The following DNAJC18 variants were observed in gnomAD, a reference collection of about 807,000 sequenced individuals.
The protein encoded by DNAJC18 is DnaJ heat shock protein family (Hsp40) member C18, also known as dnaJ homolog subfamily C member 18.
DNAJC18 carries 40 observed loss-of-function variants against 48.6 expected under a neutral mutation model. The observed-to-expected ratio is 0.82, with a 90% CI of 0.64 to 1.07. The LOEUF is 1.07. DNAJC18 is among the 50% of genes least tolerant of loss of function. The probability of loss-of-function intolerance (pLI) is 0.00; values close to 1 mark genes in which losing one functional copy is unlikely to be tolerated. For synonymous variants in DNAJC18, 135 were observed against 152.2 expected, an observed-to-expected ratio of 0.89 and a Z score of 0.83; for missense variants, 340 against 427.7, an observed-to-expected ratio of 0.79 and a Z score of 1.81.
chr5:139,437,401 A>G lies in DNAJC18; in HGVS notation c.198T>C (p.Tyr66=), dbSNP rs10900864. The change falls in exon 2 of 8, where the codon TAT becomes TAC. Residue 66 remains tyrosine, a synonymous_variant. Transcript: ENST00000302060. ...GTACCCCAAGCAGCTGTTCCTCACT[A>G]TACGTGGAGTTCCCCTCACCCTGCC... ...QTRQGEGNST[Y]SEEQLLGVQR... is the part of the protein sequence containing the mutation. 0.65 allele frequency: 1,047,570 copies of G among 1,612,940 alleles called. 353,136 individuals are homozygous for G. The highest frequency in any genetic ancestry group is 0.7 in the Non-Finnish European group (825,693 of 1,179,542).
chr5:139,429,186 C>T (rs931163788), intron 2 of DNAJC18, among the ~76,000 whole-genome samples: 2 of 149,824 alleles, frequency 1.3e-5, no homozygotes, highest in Admixed American at 6.7e-5. Flanking sequence ...CAGGTTCAAG[C>T]AATTCTCCTG....
intron 2 of DNAJC18, among the ~76,000 whole-genome samples, chr5:139,433,587 T>C (rs2152084975): frequency 6.6e-6 from 1 of 152,296 alleles, no homozygotes; most frequent in South Asian, 2.1e-4. Flanking sequence ...TACTTGAGGC[T>C]CAGCAAAATA....
At chr5:139,431,045 T>A (rs1443164854) in intron 2 of DNAJC18, among the ~76,000 whole-genome samples, 1 of 152,126 alleles carries the variant, frequency 6.6e-6, no homozygotes, top group East Asian at 1.9e-4. Context: ...GTAACACAGG[T>A]TGGACTCTAA....
In DNAJC18 at chr5:139,411,730, T is replaced by A. The variant is rs986978700; in HGVS notation, c.*2418A>T. On this transcript the variant is annotated 3_prime_UTR_variant, in exon 8 of 8. Transcript: ENST00000302060. ...ACAATCAGCGTGACATTTAATGGAG[T>A]TAGTTATTATTGCTTCTATTTAGTA... The A allele has an allele frequency of 2.0e-5, 3 of 152,052 alleles. No individual in the cohort carries two copies. The highest frequency in any genetic ancestry group is 4.4e-5 in the Non-Finnish European group (3 of 68,008). 9.4% of individuals were successfully genotyped at this position (152,052 alleles called of 1,614,324 possible).
chr5:139,436,253 T>C (rs1019894579), intron 2 of DNAJC18, among the ~76,000 whole-genome samples: 16 of 150,588 alleles, frequency 1.1e-4, no homozygotes, highest in African/African-American at 3.9e-4. Flanking sequence ...GCCCAAGTAT[T>C]TTTTTTTTCT....
intron 7 of DNAJC18, 111 bp downstream of exon 7, chr5:139,419,942 C>G: frequency 8.9e-7 from 1 of 1,120,536 alleles, no homozygotes; most frequent in Non-Finnish European, 1.2e-6. Flanking sequence ...TGACTCTGTT[C>G]ACATAAACAT....
At position 139,412,521 on chromosome 5, in the gene DNAJC18, A is replaced by G. The variant is rs1759009201; in HGVS notation, c.*1627T>C. The G allele has an allele frequency of 5.2e-6, 2 of 387,786 alleles. No homozygotes were observed. Among genetic ancestry groups the G allele is most frequent in the Non-Finnish European group, 9.1e-6 (2 of 219,882 alleles). The allele number at this position is 387,786 out of a possible 1,614,324, so 24.0% of individuals were successfully genotyped here. A position where few individuals can be genotyped will look rare whatever the true frequency, so the allele number is the denominator to read the frequency against. On this transcript the variant is annotated 3_prime_UTR_variant, in exon 8 of 8. Coordinates refer to ENST00000302060, the MANE Select transcript of DNAJC18 (RefSeq NM_152686.4). Reference sequence around the variant, plus strand: ...GGTGATCCACCTGCCACAGCCTCCCAAAGTGCTGGGATTACAGGCTTGAGC... The same window carrying G: ...GGTGATCCACCTGCCACAGCCTCCCGAAGTGCTGGGATTACAGGCTTGAGC...
rs970270182 is a variant in DNAJC18 at position 139,412,795 on chromosome 5, C to T, written c.*1353G>A. ...GTACAGAATTTATGTTAGACAGGGT[C>T]CTGCTTCCTAAAGAGCAGCAGGGAT... is the stretch of plus-strand genomic sequence containing the variant. On this transcript the variant is annotated 3_prime_UTR_variant, in exon 8 of 8. Transcript: ENST00000302060. 25 of 398,482 alleles carry T rather than the reference C, an allele frequency of 6.3e-5. No individual in the cohort carries two copies. The highest frequency in any genetic ancestry group is 4.9e-4 in the African/African-American group (24 of 48,616). The allele number at this position is 398,482 out of a possible 1,614,324, so 24.7% of individuals were successfully genotyped here.
intron 7 of DNAJC18, among the ~76,000 whole-genome samples, chr5:139,415,339 A>G (rs2152082245): frequency 6.6e-6 from 1 of 152,342 alleles, no homozygotes; most frequent in East Asian, 1.9e-4. Flanking sequence ...GTTTCTATCA[A>G]CACAAAACAC....
chr5:139,433,866 T>C (rs1337428770), intron 2 of DNAJC18, among the ~76,000 whole-genome samples: 3 of 152,244 alleles, frequency 2.0e-5, no homozygotes, highest in Non-Finnish European at 2.9e-5. Flanking sequence ...GGTATGTCCA[T>C]GCTCCATGGT....
chr5:139,410,560 G>T lies in DNAJC18; in HGVS notation c.*3588C>A, dbSNP rs1275127612. 3.7e-5 allele frequency: 5 copies of T among 136,148 alleles called. No homozygotes were observed. The highest frequency in any genetic ancestry group is 7.8e-5 in the Non-Finnish European group (5 of 64,070). 8.4% of individuals were successfully genotyped at this position (136,148 alleles called of 1,614,324 possible). ...TGAGGGCAGAATAAATATGAATGAA[G>T]TGCAAGCTCCTGTGAGGAGCAGTGC... is the stretch of plus-strand genomic sequence containing the variant. On this transcript the variant is annotated 3_prime_UTR_variant, in exon 8 of 8. Coordinates refer to ENST00000302060, the MANE Select transcript of DNAJC18 (RefSeq NM_152686.4).
rs1759238834 is a variant in DNAJC18 at position 139,426,087 on chromosome 5, C to T, written c.559+85G>A. 5 of 1,409,682 alleles carry T rather than the reference C, an allele frequency of 3.5e-6. No individual in the cohort carries two copies. In the South Asian group the frequency reaches 6.7e-5, roughly 19 times the overall value. 87.3% of individuals were successfully genotyped at this position (1,409,682 alleles called of 1,614,324 possible). A position where few individuals can be genotyped will look rare whatever the true frequency, so the allele number is the denominator to read the frequency against. ...TTGCTGTTTCCATCATACCATTGTA[C>T]CTCTATTCAGATTTTCAAACAGGAG... is the stretch of plus-strand genomic sequence containing the variant. On this transcript the variant is annotated intron_variant, in intron 4 of 7. Transcript: ENST00000302060.
At chr5:139,428,743 G>A (rs953758181) in intron 2 of DNAJC18, 60 bp from the exon 3 acceptor site, 15 of 1,532,054 alleles carry the variant, frequency 9.8e-6, no homozygotes, top group Non-Finnish European at 1.2e-5. Context: ...CTAATTGCAA[G>A]ATAATACATC....
intron 4 of DNAJC18, among the ~76,000 whole-genome samples, chr5:139,425,598 C>T (rs1389886889): frequency 6.6e-6 from 1 of 152,162 alleles, no homozygotes; most frequent in Non-Finnish European, 1.5e-5. Flanking sequence ...GTGCTGAGCT[C>T]TCCTGACTTC....
chr5:139,431,992 T>C (rs1258790061), intron 2 of DNAJC18, among the ~76,000 whole-genome samples: 1 of 152,228 alleles, frequency 6.6e-6, no homozygotes, highest in Non-Finnish European at 1.5e-5. Flanking sequence ...TATTCATATA[T>C]GGAGGAATAT....
chr5:139,432,370 G>C (rs1380257038), intron 2 of DNAJC18, among the ~76,000 whole-genome samples: 2 of 151,982 alleles, frequency 1.3e-5, no homozygotes, highest in African/African-American at 2.4e-5. Context: ...TCACCATGTT[G>C]GCCAGGATGG....
intron 5 of DNAJC18, 48 bp from the exon 6 acceptor site, chr5:139,422,865 T>A: frequency 7.0e-7 from 1 of 1,419,812 alleles, no homozygotes; most frequent in Non-Finnish European, 9.6e-7. Context: ...TTCTTTTTTT[T>A]TTTTCTGTCG....
intron 1 of DNAJC18, among the ~76,000 whole-genome samples, chr5:139,438,800 T>C (rs765765700): frequency 6.6e-6 from 1 of 152,208 alleles, no homozygotes; most frequent in African/African-American, 2.4e-5. Context: ...CCTTGCTGTG[T>C]AGCCCAGGCG....
chr5:139,422,846 CT>C, intron 5 of DNAJC18, 29 bp from the exon 6 acceptor site: 1 of 1,514,952 alleles, frequency 6.6e-7, no homozygotes, highest in Non-Finnish European at 9.0e-7. Context: ...TAAAAACTTG[CT>C]GTAAGTGTTC....
Sources: gnomAD v4.1 joint callset for allele counts (sites outside exome capture counted in the v4.1 genomes callset) on GRCh38, gnomAD v4.1.1 for gene constraint, MANE v1.5 for transcripts, NCBI Gene and HGNC (gene_info 2026-07-23, HGNC 2026-07-21) for gene names.